The following KCTD16 variants were observed in gnomAD, a reference collection of about 807,000 sequenced individuals.
The protein encoded by KCTD16 is potassium channel tetramerization domain containing 16.
KCTD16 carries 13 observed loss-of-function variants against 33.2 expected under a neutral mutation model. The observed-to-expected ratio is 0.39, with a 90% CI of 0.25 to 0.62. The LOEUF is 0.62. Ranked by LOEUF, KCTD16 falls within the 20% of genes least tolerant of loss-of-function variation. The pLI is 0.50. For synonymous variants in KCTD16, 197 were observed against 195.3 expected (o/e 1.01, Z -0.07); for missense variants, 441 against 525.1 (o/e 0.84, Z 1.57).
intron 3 of KCTD16, among the ~76,000 whole-genome samples, chr5:144,322,771 G>A (rs1364217967): frequency 6.6e-6 from 1 of 150,544 alleles, no homozygotes; most frequent in East Asian, 1.9e-4. Context: ...GAGCTTCCAA[G>A]AATAGGAATG....
intron 3 of KCTD16, among the ~76,000 whole-genome samples, chr5:144,321,026 T>A (rs1752059869): frequency 6.6e-6 from 1 of 152,130 alleles, no homozygotes; most frequent in Non-Finnish European, 1.5e-5. Flanking sequence ...TGGGTAATTT[T>A]GTATTTTTAG....
chr5:144,385,804 G>A (rs1472286174), intron 3 of KCTD16, among the ~76,000 whole-genome samples: 1 of 152,158 alleles, frequency 6.6e-6, no homozygotes, highest in African/African-American at 2.4e-5. Flanking sequence ...TGTGTGTCTT[G>A]TGGGGAGGAG....
At chr5:144,396,234 G>A (rs1207471493) in intron 3 of KCTD16, among the ~76,000 whole-genome samples, 3 of 152,152 alleles carry the variant, frequency 2.0e-5, no homozygotes, top group Non-Finnish European at 4.4e-5. Flanking sequence ...AAGGAGAAGA[G>A]GCGGCCAAAC....
At chr5:144,409,595 A>G (rs1752886385) in intron 3 of KCTD16, among the ~76,000 whole-genome samples, 1 of 152,062 alleles carries the variant, frequency 6.6e-6, no homozygotes, top group Non-Finnish European at 1.5e-5. Context: ...GCTGTGGCTC[A>G]CGCCTGTAAT....
At chr5:144,313,742 A>G (rs909846536) in intron 3 of KCTD16, among the ~76,000 whole-genome samples, 1 of 152,160 alleles carries the variant, frequency 6.6e-6, no homozygotes, top group Non-Finnish European at 1.5e-5. Context: ...AAATTTATAT[A>G]CATGGGTAGT....
chr5:144,348,270 AAT>A (rs1752857050), intron 3 of KCTD16, among the ~76,000 whole-genome samples: 2 of 152,312 alleles, frequency 1.3e-5, no homozygotes, highest in African/African-American at 2.4e-5. Flanking sequence ...AAGCACTTGA[AAT>A]ACAAGACAAC....
At chr5:144,357,325 G>T (rs1200862845) in intron 3 of KCTD16, among the ~76,000 whole-genome samples, 1 of 152,162 alleles carries the variant, frequency 6.6e-6, no homozygotes, top group Non-Finnish European at 1.5e-5. Flanking sequence ...AACCAAGTCA[G>T]GTAGGGGTGA....
intron 3 of KCTD16, among the ~76,000 whole-genome samples, chr5:144,368,877 T>G (rs751823669): frequency 1.3e-5 from 2 of 152,200 alleles, no homozygotes; most frequent in Non-Finnish European, 2.9e-5. Context: ...AAGGCTCAGA[T>G]ACGCTAATTC....
rs1754730916 is a variant in KCTD16 at position 144,482,798 on chromosome 5, T to C, written c.*8684T>C. ...GTACATCTATCTTAATGTGTATATA[T>C]AAATATATATCTATAGCTGTACATA... is the stretch of plus-strand genomic sequence containing the variant. On this transcript the variant is annotated 3_prime_UTR_variant, in exon 4 of 4. Transcript: ENST00000512467. The C allele has an allele frequency of 6.6e-6, 1 of 151,744 alleles. No individual in the cohort carries two copies. Among genetic ancestry groups the C allele is most frequent in the Non-Finnish European group, 1.5e-5 (1 of 67,848 alleles). 9.4% of individuals were successfully genotyped at this position (151,744 alleles called of 1,614,324 possible).
At chr5:144,210,961 A>G (rs139714467) in intron 3 of KCTD16, among the ~76,000 whole-genome samples, 23 of 152,308 alleles carry the variant, frequency 1.5e-4, no homozygotes, top group African/African-American at 5.5e-4. Context: ...TCTGAATTCT[A>G]TGAATTATGG....
chr5:144,481,846 G>A lies in KCTD16; in HGVS notation c.*7732G>A, dbSNP rs1754709607. Reference sequence around the variant, plus strand: ...GTTCTGATCAGTATTCTAGAATTATGGTTTAAATATCCAGTTATAAATAAT... The same window carrying A: ...GTTCTGATCAGTATTCTAGAATTATAGTTTAAATATCCAGTTATAAATAAT... On this transcript the variant is annotated 3_prime_UTR_variant, in exon 4 of 4. Coordinates refer to ENST00000512467, the MANE Select transcript of KCTD16 (RefSeq NM_020768.4). 6.6e-6 allele frequency: 1 copy of A among 151,742 alleles called. No individual in the cohort carries two copies. Among genetic ancestry groups the A allele is most frequent in the Non-Finnish European group, 1.5e-5 (1 of 67,900 alleles). 9.4% of individuals were successfully genotyped at this position (151,742 alleles called of 1,614,324 possible).
chr5:144,434,162 G>A (rs1753527800), intron 3 of KCTD16, among the ~76,000 whole-genome samples: 1 of 152,086 alleles, frequency 6.6e-6, no homozygotes, highest in Non-Finnish European at 1.5e-5. Flanking sequence ...TGTCTCTAGG[G>A]TTGTTAAATC....
chr5:144,255,999 T>C (rs1754835284), intron 3 of KCTD16, among the ~76,000 whole-genome samples: 1 of 152,184 alleles, frequency 6.6e-6, no homozygotes, highest in Admixed American at 6.5e-5. Context: ...AGAGACAGTA[T>C]TAACACTTTA....
chr5:144,448,612 G>A (rs562993866), intron 3 of KCTD16, among the ~76,000 whole-genome samples: 54 of 152,152 alleles, frequency 3.5e-4, no homozygotes, highest in African/African-American at 1.3e-3. Context: ...ATTCTTATCA[G>A]CAGTTGCATT....
chr5:144,194,110 T>C (rs59079718), intron 2 of KCTD16, among the ~76,000 whole-genome samples: 144 of 151,936 alleles, frequency 9.5e-4, no homozygotes, highest in Middle Eastern at 3.4e-3. Flanking sequence ...GTGAAGATGG[T>C]TCACCGAGAC....
intron 3 of KCTD16, among the ~76,000 whole-genome samples, chr5:144,430,440 A>G (rs1753432820): frequency 6.6e-6 from 1 of 152,080 alleles, no homozygotes; most frequent in African/African-American, 2.4e-5. Context: ...GTAGGAGCCA[A>G]AAGGGTTGGC....
At chr5:144,466,818 C>G (rs1017470721) in intron 3 of KCTD16, among the ~76,000 whole-genome samples, 1 of 151,020 alleles carries the variant, frequency 6.6e-6, no homozygotes, top group Non-Finnish European at 1.5e-5. Context: ...TCACCATTCA[C>G]TAATAGGATT....
At chr5:144,309,194 A>G (rs772223783) in intron 3 of KCTD16, among the ~76,000 whole-genome samples, 1 of 152,106 alleles carries the variant, frequency 6.6e-6, no homozygotes, top group Non-Finnish European at 1.5e-5. Flanking sequence ...CTCCTTTGTT[A>G]CTGTGTTTAA....
At chr5:144,198,045 G>C (rs2126783971) in intron 2 of KCTD16, among the ~76,000 whole-genome samples, 1 of 152,226 alleles carries the variant, frequency 6.6e-6, no homozygotes, top group South Asian at 2.1e-4. Flanking sequence ...TGTAGTAGTG[G>C]GTTAAGAGAG....
Sources: allele counts gnomAD v4.1 joint callset (sites outside exome capture counted in the v4.1 genomes callset), GRCh38; gene constraint gnomAD v4.1.1; transcripts MANE v1.5; gene names NCBI Gene and HGNC (gene_info 2026-07-23, HGNC 2026-07-21).